TERF2IP: variants seen among roughly 807,000 people sequenced by gnomAD.
TERF2IP encodes the protein TERF2 interacting protein.
A neutral mutation model predicts 33.3 loss-of-function variants in TERF2IP; 35 were observed. The observed-to-expected ratio is 1.05, with a 90% CI of 0.80 to 1.39. The LOEUF (loss-of-function observed/expected upper bound fraction) is 1.39. TERF2IP is among the 40% of genes most tolerant of loss of function. TERF2IP has a pLI of 0.00. For synonymous variants in TERF2IP, 253 were observed against 223.2 expected, an observed-to-expected ratio of 1.13 and a Z score of -1.19; for missense variants, 583 against 524.8, an observed-to-expected ratio of 1.11 and a Z score of -1.08.
Position 75,656,451 on chromosome 16 carries a change from C to G in TERF2IP, c.1040C>G (p.Ser347Cys). Residue 347 changes from serine to cysteine, a missense_variant, in exon 3 of 3, where the codon TCC becomes TGC. Ser to Cys is a moderately radical substitution (Grantham distance 112). Coordinates refer to ENST00000300086, the MANE Select transcript of TERF2IP (RefSeq NM_018975.4). ...LKNSGELEATSAFLASGQRAD... is the reference protein window; with the variant it reads ...LKNSGELEATCAFLASGQRAD... ...AATAGTGGTGAGCTGGAGGCTACTT[C>G]CGCCTTCTTAGCGTCTGGTCAGAGA... is the stretch of plus-strand genomic sequence containing the variant. 1 of 1,614,194 alleles carries G rather than the reference C, an allele frequency of 6.2e-7. No individual in the cohort carries two copies. The highest frequency in any genetic ancestry group is 8.5e-7 in the Non-Finnish European group (1 of 1,180,046).
intron 1 of TERF2IP, among the ~76,000 whole-genome samples, chr16:75,649,879 T>A (rs2082334427): frequency 6.6e-6 from 1 of 152,236 alleles, no homozygotes; most frequent in South Asian, 2.1e-4. Flanking sequence ...GTGACGTACC[T>A]GGCATTGATA....
At chr16:75,648,589 C>T in intron 1 of TERF2IP, 37 bp downstream of exon 1, 2 of 1,492,918 alleles carry the variant, frequency 1.3e-6, no homozygotes, top group South Asian at 1.3e-5. Flanking sequence ...CGGATATCTG[C>T]GCGGGTGGGG....
rs780185529 is a variant in TERF2IP at position 75,648,284 on chromosome 16, C to A, written c.402C>A (p.Ile134=). 3.2e-6 allele frequency: 5 copies of A among 1,550,930 alleles called. No individual in the cohort carries two copies. In the Admixed American group the frequency reaches 9.8e-5, roughly 30 times the overall value. Residue 134 remains isoleucine (I), a synonymous_variant, in exon 1 of 3, where the codon ATC becomes ATA. Transcript: ENST00000300086. ...EPEPQRHAGR[I]AFTDADDVAI... Reference sequence around the variant, plus strand: ...AGCCGCAGCGGCACGCCGGGCGGATCGCCTTCACGGATGCGGACGACGTAG... The same window carrying A: ...AGCCGCAGCGGCACGCCGGGCGGATAGCCTTCACGGATGCGGACGACGTAG...
chr16:75,650,754 C>T (rs1358247038), intron 1 of TERF2IP, among the ~76,000 whole-genome samples: 2 of 152,052 alleles, frequency 1.3e-5, no homozygotes, highest in Non-Finnish European at 2.9e-5. Flanking sequence ...CCAGGCTGGT[C>T]TCGAACTCCT....
rs549310785 is a variant in TERF2IP at position 75,657,285 on chromosome 16, A to C, written c.*674A>C. ...TTAAAACGCGCACACAACTCTAGAGAGTGTTAAGAATAATGTTACTTGGTT... is the reference window on the plus strand; with the variant it reads ...TTAAAACGCGCACACAACTCTAGAGCGTGTTAAGAATAATGTTACTTGGTT... On this transcript the variant is annotated 3_prime_UTR_variant, in exon 3 of 3. Coordinates refer to ENST00000300086, the MANE Select transcript of TERF2IP (RefSeq NM_018975.4). 1.3e-5 allele frequency: 2 copies of C among 152,012 alleles called. No homozygotes were observed. Among genetic ancestry groups the C allele is most frequent in the Non-Finnish European group, 1.5e-5 (1 of 68,034 alleles). The allele number at this position is 152,012 out of a possible 1,614,324, so 9.4% of individuals were successfully genotyped here. A position where few individuals can be genotyped will look rare whatever the true frequency, so the allele number is the denominator to read the frequency against.
chr16:75,651,251 G>T (rs1597186577), intron 1 of TERF2IP, among the ~76,000 whole-genome samples: 2 of 152,120 alleles, frequency 1.3e-5, no homozygotes, highest in East Asian at 3.9e-4. Flanking sequence ...AATGTCTAAA[G>T]AGCTCTTTGT....
intron 1 of TERF2IP, among the ~76,000 whole-genome samples, chr16:75,651,508 T>A (rs551963384): frequency 2.0e-5 from 3 of 152,292 alleles, no homozygotes; most frequent in African/African-American, 7.2e-5. Context: ...GCCAACATGA[T>A]GAAACTCCGT....
intron 1 of TERF2IP, among the ~76,000 whole-genome samples, chr16:75,648,952 C>T (rs2082325737): frequency 1.3e-5 from 2 of 152,100 alleles, no homozygotes; most frequent in Non-Finnish European, 2.9e-5. Context: ...TCCTGGACCT[C>T]CTGGGCTCAA....
intron 1 of TERF2IP, among the ~76,000 whole-genome samples, chr16:75,654,034 A>T (rs2082365947): frequency 6.6e-6 from 1 of 152,086 alleles, no homozygotes. Context: ...GAGTTTAAGA[A>T]TGTATCATTG....
At chr16:75,651,828 A>T (rs986684434) in intron 1 of TERF2IP, among the ~76,000 whole-genome samples, 1 of 152,198 alleles carries the variant, frequency 6.6e-6, no homozygotes, top group East Asian at 1.9e-4. Context: ...ATGAATTGAG[A>T]TAGCTTCCAT....
Position 75,656,624 on chromosome 16 carries a change from T to A in TERF2IP, c.*13T>A, listed in dbSNP as rs1445747342. 1.1e-5 allele frequency: 18 copies of A among 1,574,872 alleles called. No homozygotes were observed. Among genetic ancestry groups the A allele is most frequent in the Middle Eastern group, 1.8e-4 (1 of 5,498 alleles). On this transcript the variant is annotated 3_prime_UTR_variant, in exon 3 of 3. Coordinates refer to ENST00000300086, the MANE Select transcript of TERF2IP (RefSeq NM_018975.4). ...TCGAAAGAAATAATTGGCAAGATAA[T>A]GAGAAAAGAAAAAAGTCATGGTAGG...
Position 75,648,472 on chromosome 16 carries a change from T to C in TERF2IP, c.590T>C (p.Leu197Pro), listed in dbSNP as rs1288392724. Residue 197 changes from leucine to proline, a missense_variant, in exon 1 of 3, where the codon CTG becomes CCG. Transcript: ENST00000300086. ...HLRGQEHKYLLGDAPVSPSSQ... is the reference protein window; with the variant it reads ...HLRGQEHKYLPGDAPVSPSSQ... ...CGGGGCCAGGAGCATAAGTACCTGCTGGGGGACGCGCCGGTGAGCCCCTCC... is the reference window on the plus strand; with the variant it reads ...CGGGGCCAGGAGCATAAGTACCTGCCGGGGGACGCGCCGGTGAGCCCCTCC... 1.3e-6 allele frequency: 2 copies of C among 1,595,468 alleles called. No individual in the cohort carries two copies. Among genetic ancestry groups the C allele is most frequent in the Admixed American group, 1.8e-5 (1 of 56,698 alleles).
intron 1 of TERF2IP, among the ~76,000 whole-genome samples, chr16:75,650,103 C>T (rs192139577): frequency 6.6e-6 from 1 of 152,254 alleles, no homozygotes; most frequent in Admixed American, 6.5e-5. Context: ...AATTTGAGTG[C>T]CAGACATTGT....
Position 75,656,351 on chromosome 16 carries a change from G to T in TERF2IP, c.940G>T (p.Ala314Ser). 1 of 1,614,196 alleles carries T rather than the reference G, an allele frequency of 6.2e-7. No homozygotes were observed. Among genetic ancestry groups the T allele is most frequent in the African/African-American group, 1.3e-5 (1 of 75,064 alleles). The change falls in exon 3 of 3, where the codon GCC (alanine) becomes TCC (serine). Residue 314 changes from alanine (A) to serine (S), a missense_variant. Transcript: ENST00000300086. ...EKVSQPEVGA[A>S]IKIIRQLMEK... ...AGTTTCTCAACCAGAGGTGGGAGCT[G>T]CCATTAAGATCATTCGGCAGTTAAT...
In TERF2IP at chr16:75,647,942, G is replaced by C. The variant is rs1215765639; in HGVS notation, c.60G>C (p.Leu20=). Residue 20 remains leucine, a synonymous_variant, in exon 1 of 3, where the codon CTG becomes CTC. Transcript: ENST00000300086. The part of the protein sequence containing the change: ...DPNGPTHSST[L]FVRDDGSSMS... ...ACGGGCCCACCCATTCCTCGACTCTGTTCGTGAGGGACGACGGCAGCTCCA... is the reference window on the plus strand; with the variant it reads ...ACGGGCCCACCCATTCCTCGACTCTCTTCGTGAGGGACGACGGCAGCTCCA... The C allele has an allele frequency of 1.2e-6, 2 of 1,613,486 alleles. No individual in the cohort carries two copies. The highest frequency in any genetic ancestry group is 2.7e-5 in the African/African-American group (2 of 74,938).
chr16:75,651,981 A>G (rs2082351059), intron 1 of TERF2IP, among the ~76,000 whole-genome samples: 1 of 152,230 alleles, frequency 6.6e-6, no homozygotes, highest in South Asian at 2.1e-4. Context: ...GAAAACAAGT[A>G]TACTCCTACG....
At position 75,656,268 on chromosome 16, in the gene TERF2IP, C is replaced by T; in HGVS notation, c.857C>T (p.Thr286Ile). The T allele has an allele frequency of 6.2e-7, 1 of 1,614,110 alleles. No homozygotes were observed. The highest frequency in any genetic ancestry group is 8.5e-7 in the Non-Finnish European group (1 of 1,180,014). ...HITMCDDDPPTPEEDSETQPD... is the reference protein window; with the variant it reads ...HITMCDDDPPIPEEDSETQPD... ...ACTATGTGTGATGATGATCCACCCA[C>T]ACCTGAGGAAGACTCAGAAACACAG... Residue 286 changes from threonine to isoleucine, a missense_variant, in exon 3 of 3, where the codon ACA (threonine) becomes ATA (isoleucine). Thr to Ile is a moderately conservative substitution (Grantham distance 89). Coordinates refer to ENST00000300086, the MANE Select transcript of TERF2IP (RefSeq NM_018975.4).
In TERF2IP at chr16:75,656,124, G is replaced by C. The variant is rs996480390; in HGVS notation, c.796-83G>C. On this transcript the variant is annotated intron_variant, in intron 2 of 2. Coordinates refer to ENST00000300086, the MANE Select transcript of TERF2IP (RefSeq NM_018975.4). ...TGTGATTGGAATGCAGAGGGCAAGGGGGTGATAGTTGGAAGAGACCAGATA... is the reference window on the plus strand; with the variant it reads ...TGTGATTGGAATGCAGAGGGCAAGGCGGTGATAGTTGGAAGAGACCAGATA... 24 of 1,352,690 alleles carry C rather than the reference G, an allele frequency of 1.8e-5. No homozygotes were observed. In the South Asian group the frequency reaches 3.4e-4, roughly 19 times the overall value. The allele number at this position is 1,352,690 out of a possible 1,614,324, so 83.8% of individuals were successfully genotyped here. A position where few individuals can be genotyped will look rare whatever the true frequency, so the allele number is the denominator to read the frequency against.
chr16:75,656,267 A>G lies in TERF2IP; in HGVS notation c.856A>G (p.Thr286Ala). 6.2e-7 allele frequency: 1 copy of G among 1,614,206 alleles called. No homozygotes were observed. The highest frequency in any genetic ancestry group is 8.5e-7 in the Non-Finnish European group (1 of 1,180,032). ...AACTATGTGTGATGATGATCCACCC[A>G]CACCTGAGGAAGACTCAGAAACACA... ...HITMCDDDPP[T>A]PEEDSETQPD... Residue 286 changes from threonine (T) to alanine (A), a missense_variant, in exon 3 of 3, where the codon ACA (threonine) becomes GCA (alanine). Transcript: ENST00000300086.
Sources: allele counts gnomAD v4.1 joint callset (sites outside exome capture counted in the v4.1 genomes callset), GRCh38; gene constraint gnomAD v4.1.1; transcripts MANE v1.5; gene names NCBI Gene and HGNC (gene_info 2026-07-23, HGNC 2026-07-21).